SGCD: variants seen among roughly 807,000 people sequenced by gnomAD.
SGCD encodes the protein delta-sarcoglycan.
SGCD carries 18 observed loss-of-function variants against 36.6 expected under a neutral mutation model. The observed-to-expected ratio is 0.49, with a 90% CI of 0.34 to 0.73. SGCD has a LOEUF of 0.73. SGCD is among the 30% of genes least tolerant of loss of function. The pLI is 0.01. For missense variants in SGCD, 387 were observed against 346.7 expected (o/e 1.12, Z -0.92); for synonymous variants, 133 against 130.6 (o/e 1.02, Z -0.12).
intron 6 of SGCD, among the ~76,000 whole-genome samples, chr5:156,629,168 G>T (rs1244778408): frequency 6.6e-6 from 1 of 152,240 alleles, no homozygotes; most frequent in African/African-American, 2.4e-5. Context: ...GTAAATCATT[G>T]TTCTTGTTAG....
chr5:156,442,690 A>G (rs1424409412), intron 3 of SGCD, among the ~76,000 whole-genome samples: 1 of 152,208 alleles, frequency 6.6e-6, no homozygotes, highest in Non-Finnish European at 1.5e-5. Context: ...TCAAGATAAA[A>G]GCCCTTTGTC....
chr5:155,757,037 A>G, the SGCD span, among the ~76,000 whole-genome samples: 1 of 152,310 alleles, frequency 6.6e-6, no homozygotes, highest in African/African-American at 2.4e-5. Flanking sequence ...TTTGGACCAC[A>G]GGCGGGGTCT....
rs1285563811 is a variant in SGCD, at chr5:156,490,392, G to A, written c.193-18209G>A. ...TACCCTGATTTCAAAACCAGACAAG[G>A]ACACAAGAAAAATAGCAAATGACAG... is the stretch of plus-strand genomic sequence containing the variant. On this transcript the variant is annotated intron_variant, in intron 3 of 8. Transcript: ENST00000337851. 3.3e-5 allele frequency among the ~76,000 whole-genome samples: 5 copies of A among 150,980 alleles called. No individual in the cohort carries two copies. In the South Asian group the frequency reaches 6.2e-4, roughly 19 times the overall value.
At chr5:156,285,177 T>G (rs1001567890) in intron 3 of SGCD, among the ~76,000 whole-genome samples, 17 of 152,182 alleles carry the variant, frequency 1.1e-4, no homozygotes, top group Admixed American at 2.0e-4. Context: ...TAAAAGAGGA[T>G]ACAAACAAAT....
intron 3 of SGCD, among the ~76,000 whole-genome samples, chr5:156,249,096 C>T (rs979712671): frequency 6.6e-6 from 1 of 152,074 alleles, no homozygotes; most frequent in Non-Finnish European, 1.5e-5. Flanking sequence ...GAGTAAAGGA[C>T]AGAACTTCTG....
chr5:155,781,325 T>G, the SGCD span, among the ~76,000 whole-genome samples: 1 of 152,136 alleles, frequency 6.6e-6, no homozygotes, highest in Admixed American at 6.6e-5. Context: ...CACAAACCCT[T>G]GCACGGAAGG....
chr5:155,898,412 G>A (rs1385883831), intron 1 of SGCD, among the ~76,000 whole-genome samples: 1 of 152,156 alleles, frequency 6.6e-6, no homozygotes, highest in African/African-American at 2.4e-5. Context: ...GTATGCTAGG[G>A]AATAGGGAGT....
intron 4 of SGCD, among the ~76,000 whole-genome samples, chr5:156,579,637 T>C (rs563846887): frequency 6.6e-6 from 1 of 152,248 alleles, no homozygotes; most frequent in East Asian, 1.9e-4. Context: ...TAGCTCCTCT[T>C]ATTGACTTGA....
intron 1 of SGCD, among the ~76,000 whole-genome samples, chr5:156,072,329 G>T (rs1760602055): frequency 6.6e-6 from 1 of 151,934 alleles, no homozygotes; most frequent in African/African-American, 2.4e-5. Context: ...AGGTCTGGTG[G>T]TCACATAATC....
intron 3 of SGCD, among the ~76,000 whole-genome samples, chr5:156,408,745 C>G (rs1220617798): frequency 6.6e-6 from 1 of 152,166 alleles, no homozygotes. Context: ...TAGTCATCCT[C>G]TCTTTCTTTC....
intron 3 of SGCD, among the ~76,000 whole-genome samples, chr5:156,364,164 TG>T (rs147014804): frequency 0.034 from 5,203 of 152,264 alleles, 235 homozygotes; most frequent in African/African-American, 0.097. Context: ...TGAGTTATGC[TG>T]GGATTATGAC....
chr5:156,155,983 A>G (rs1762952412), intron 3 of SGCD, among the ~76,000 whole-genome samples: 1 of 151,704 alleles, frequency 6.6e-6, no homozygotes, highest in Admixed American at 6.5e-5. Context: ...AAAGCTATCA[A>G]AAAATCAATT....
chr5:156,697,346 G>A (rs1754359748), intron 7 of SGCD, among the ~76,000 whole-genome samples: 1 of 152,112 alleles, frequency 6.6e-6, no homozygotes, highest in Non-Finnish European at 1.5e-5. Flanking sequence ...GTGTGTCTGA[G>A]GAGATGGACA....
intron 3 of SGCD, among the ~76,000 whole-genome samples, chr5:156,372,908 C>T (rs973621710): frequency 4.8e-5 from 7 of 145,880 alleles, no homozygotes; most frequent in African/African-American, 2.0e-4. Context: ...TCAGGTCTTT[C>T]TAGGTGACAA....
At chr5:155,754,090 T>A in the SGCD span, among the ~76,000 whole-genome samples, 2 of 152,112 alleles carry the variant, frequency 1.3e-5, no homozygotes, top group Non-Finnish European at 2.9e-5. Flanking sequence ...CTCATTGAAA[T>A]GGGAAGCCAG....
At position 156,032,505 on chromosome 5, in the gene SGCD, T is replaced by C. The variant is rs144383313; in HGVS notation, c.-281-85373T>C. ...AGGCCAGGGCAGGCAGATCACAAGG[T>C]CAGGAGATTGAAACCATCCTGGCTA... On this transcript the variant is annotated intron_variant, in intron 1 of 9. Coordinates refer to the SGCD transcript ENST00000517913. Among the ~76,000 whole-genome samples, 373 of 151,188 alleles carry C rather than the reference T, an allele frequency of 2.5e-3. 2 individuals are homozygous for C. The highest frequency in any genetic ancestry group is 6.0e-3 in the African/African-American group (246 of 41,128).
chr5:156,319,016 G>T (rs1767592401), intron 3 of SGCD, among the ~76,000 whole-genome samples: 1 of 152,128 alleles, frequency 6.6e-6, no homozygotes, highest in Non-Finnish European at 1.5e-5. Flanking sequence ...TTCTGTTTTT[G>T]TCAATTTCTT....
At chr5:155,985,307 T>C (rs935544130) in intron 1 of SGCD, among the ~76,000 whole-genome samples, 3 of 152,152 alleles carry the variant, frequency 2.0e-5, no homozygotes, top group Non-Finnish European at 2.9e-5. Flanking sequence ...CTCAATTCTA[T>C]GTGCTTTATG....
intron 2 of SGCD, among the ~76,000 whole-genome samples, chr5:156,343,013 C>T (rs1053417103): frequency 1.3e-5 from 2 of 152,124 alleles, no homozygotes; most frequent in Non-Finnish European, 2.9e-5. Context: ...GAAGAATTCA[C>T]TCAGTTTTTC....
Sources: gnomAD v4.1 joint callset for allele counts (sites outside exome capture counted in the v4.1 genomes callset) on GRCh38, gnomAD v4.1.1 for gene constraint, MANE v1.5 for transcripts, NCBI Gene and HGNC (gene_info 2026-07-23, HGNC 2026-07-21) for gene names.